The following TRMT10A variants were observed in gnomAD, a reference collection of about 807,000 sequenced individuals.
TRMT10A encodes tRNA methyltransferase 10 homolog A.
In TRMT10A, 37 loss-of-function variants were observed where a neutral mutation model predicts 40.4. That is an observed-to-expected ratio of 0.92 (90% CI 0.71 to 1.21). The LOEUF is 1.21. TRMT10A is among the 50% of genes most tolerant of loss of function. The probability of loss-of-function intolerance (pLI) is 0.00; values close to 1 mark genes in which losing one functional copy is unlikely to be tolerated. For synonymous variants in TRMT10A, 103 were observed against 134.1 expected (o/e 0.77, Z 1.60); for missense variants, 388 against 404.3 (o/e 0.96, Z 0.35).
At chr4:99,554,546 C>A (rs961688900) in intron 5 of TRMT10A, among the ~76,000 whole-genome samples, 2 of 151,812 alleles carry the variant, frequency 1.3e-5, no homozygotes, top group African/African-American at 4.8e-5. Flanking sequence ...CATGGTGAAA[C>A]CCTGTCTCTA....
At chr4:99,554,227 G>A (rs149026583) in intron 5 of TRMT10A, among the ~76,000 whole-genome samples, 165 of 152,178 alleles carry the variant, frequency 1.1e-3, no homozygotes, top group African/African-American at 3.9e-3. Context: ...TACTTTCAAT[G>A]TTTTATCTTT....
rs1395652235 is a variant in TRMT10A, at chr4:99,548,592, C to T, written c.*496G>A. ...AAACTGATACTTCTTCCTAAAATTA[C>T]TACATTCTTTCAAGTAACTAATTTA... On this transcript the variant is annotated 3_prime_UTR_variant, in exon 8 of 8. Transcript: ENST00000394876. 1 of 152,316 alleles carries T rather than the reference C, an allele frequency of 6.6e-6. No individual in the cohort carries two copies. The highest frequency in any genetic ancestry group is 1.5e-5 in the Non-Finnish European group (1 of 68,170). 9.4% of individuals were successfully genotyped at this position (152,316 alleles called of 1,614,324 possible).
At chr4:99,558,347 T>C (rs980253186) in intron 2 of TRMT10A, 136 bp from the exon 3 acceptor site, 1 of 788,576 alleles carries the variant, frequency 1.3e-6, no homozygotes, top group Admixed American at 3.3e-5. Flanking sequence ...CATTCAAAAA[T>C]GGTCAAGTAT....
rs1404950814 is a variant in TRMT10A at position 99,549,051 on chromosome 4, C to G, written c.*37G>C. On this transcript the variant is annotated 3_prime_UTR_variant, in exon 8 of 8. Transcript: ENST00000394876. ...ATTCTATATAGCACCTCACTTTCTC[C>G]TAATTTTTCCTTAAACTAAAAGGAA... is the stretch of plus-strand genomic sequence containing the variant. 3.1e-6 allele frequency: 5 copies of G among 1,601,640 alleles called. No homozygotes were observed. The highest frequency in any genetic ancestry group is 4.3e-6 in the Non-Finnish European group (5 of 1,171,282).
At chr4:99,554,519 G>C (rs1157628466) in intron 5 of TRMT10A, among the ~76,000 whole-genome samples, 2 of 151,934 alleles carry the variant, frequency 1.3e-5, no homozygotes, top group Admixed American at 1.3e-4. Flanking sequence ...TCAGGAGTTC[G>C]AGACCAGCCT....
Position 99,548,254 on chromosome 4 carries a change from CT to C in TRMT10A, c.*833del, listed in dbSNP as rs1242020864. ...AAGAGGAGGCAGATGCACCTATAAA[CT>C]TTATTCATCTTAAGAGCCAACAAAT... is the stretch of plus-strand genomic sequence containing the variant. On this transcript the variant is annotated 3_prime_UTR_variant, in exon 8 of 8. Coordinates refer to ENST00000394876, the MANE Select transcript of TRMT10A (RefSeq NM_001134665.3). The C allele has an allele frequency of 6.6e-6, 1 of 151,000 alleles. No homozygotes were observed. Among genetic ancestry groups the C allele is most frequent in the East Asian group, 1.9e-4 (1 of 5,156 alleles). 9.4% of individuals were successfully genotyped at this position (151,000 alleles called of 1,614,324 possible). A position where few individuals can be genotyped will look rare whatever the true frequency, so the allele number is the denominator to read the frequency against.
At chr4:99,551,250 G>T (rs898826154) in intron 6 of TRMT10A, among the ~76,000 whole-genome samples, 7 of 152,066 alleles carry the variant, frequency 4.6e-5, no homozygotes, top group Admixed American at 1.3e-4. Context: ...GTTTCCTGCC[G>T]AGTTACAAAG....
chr4:99,563,708 G>C lies in TRMT10A; in HGVS notation c.-24+205C>G, dbSNP rs1018462007. On this transcript the variant is annotated intron_variant, in intron 1 of 7. Coordinates refer to ENST00000394876, the MANE Select transcript of TRMT10A (RefSeq NM_001134665.3). ...GGATTAAGCTGTCTCTGGCGAACCA[G>C]GGAGCAGCTGGGTAGGCCGCGGGGG... 3.7e-5 allele frequency: 14 copies of C among 375,138 alleles called. 1 individual carries two copies. Among genetic ancestry groups the C allele is most frequent in the Admixed American group, 1.8e-4 (5 of 27,302 alleles). The allele number at this position is 375,138 out of a possible 1,614,324, so 23.2% of individuals were successfully genotyped here.
intron 3 of TRMT10A, 51 bp downstream of exon 3, chr4:99,557,998 T>C: frequency 6.8e-7 from 1 of 1,470,522 alleles, no homozygotes. Flanking sequence ...AAAACAAAAA[T>C]GATTCGACCT....
intron 3 of TRMT10A, 81 bp from the exon 4 acceptor site, chr4:99,557,497 CAG>C: frequency 8.2e-7 from 1 of 1,212,838 alleles, no homozygotes; most frequent in Non-Finnish European, 1.2e-6. Context: ...ATGGAATAAG[CAG>C]AAGGGATGAC....
At chr4:99,558,861 T>C (rs113452408) in intron 2 of TRMT10A, among the ~76,000 whole-genome samples, 1 of 152,116 alleles carries the variant, frequency 6.6e-6, no homozygotes, top group South Asian at 2.1e-4. Context: ...GTGCTGCTAC[T>C]CATAATAAGG....
At position 99,558,179 on chromosome 4, in the gene TRMT10A, T is replaced by A. The variant is rs1033805536; in HGVS notation, c.218A>T (p.Lys73Ile). The A allele has an allele frequency of 3.8e-6, 6 of 1,598,746 alleles. No homozygotes were observed. In the African/African-American group the frequency reaches 8.1e-5, roughly 22 times the overall value. The change falls in exon 3 of 8, where the codon AAA (lysine) becomes ATA (isoleucine). Residue 73 changes from lysine to isoleucine, a missense_variant. Lys to Ile is a moderately radical substitution (Grantham distance 102). Coordinates refer to ENST00000394876, the MANE Select transcript of TRMT10A (RefSeq NM_001134665.3). The part of the protein sequence containing the change: ...QKRKEKRKRK[K>I]LERQCQMEPN... ...TTCCATTTGACATTGTCGCTCTAAT[T>A]TTTTCCTCTTGCGTTTTTCTTTTCG...
intron 1 of TRMT10A, among the ~76,000 whole-genome samples, chr4:99,560,059 A>C (rs1724326540): frequency 1.3e-5 from 2 of 152,084 alleles, no homozygotes; most frequent in Admixed American, 1.3e-4. Context: ...GATGAAAAGC[A>C]TCTTTTCTAT....
At chr4:99,563,534 C>G (rs538691535) in intron 1 of TRMT10A, 1 of 231,672 alleles carries the variant, frequency 4.3e-6, no homozygotes, top group African/African-American at 2.3e-5. Context: ...GTACAGATTT[C>G]CCACTGATTC....
chr4:99,560,229 G>A (rs1724335479), intron 1 of TRMT10A, among the ~76,000 whole-genome samples: 1 of 152,062 alleles, frequency 6.6e-6, no homozygotes, highest in South Asian at 2.1e-4. Flanking sequence ...TTTCAGAGAG[G>A]TCATAAGGGA....
intron 2 of TRMT10A, 99 bp downstream of exon 2, chr4:99,559,055 A>G (rs1044853323): frequency 2.5e-6 from 3 of 1,212,092 alleles, no homozygotes; most frequent in Non-Finnish European, 3.3e-6. Flanking sequence ...ATTGAATTTT[A>G]AGTAACACAA....
intron 6 of TRMT10A, 24 bp from the exon 7 acceptor site, chr4:99,551,014 C>A (rs773745686): frequency 2.0e-6 from 3 of 1,478,866 alleles, no homozygotes; most frequent in African/African-American, 1.4e-5. Context: ...ACTATGACTT[C>A]GACAAGAACA....
intron 7 of TRMT10A, among the ~76,000 whole-genome samples, chr4:99,550,680 G>A (rs993954543): frequency 2.6e-5 from 4 of 152,228 alleles, no homozygotes; most frequent in Non-Finnish European, 4.4e-5. Flanking sequence ...TGTGTAGTAA[G>A]ACACAGCTAA....
chr4:99,554,480 T>A (rs530562439), intron 5 of TRMT10A, among the ~76,000 whole-genome samples: 1 of 152,218 alleles, frequency 6.6e-6, no homozygotes, highest in African/African-American at 2.4e-5. Flanking sequence ...CCCAGCACTT[T>A]GGAAGGCTGA....
Sources: gnomAD v4.1 joint callset for allele counts (sites outside exome capture counted in the v4.1 genomes callset) on GRCh38, gnomAD v4.1.1 for gene constraint, MANE v1.5 for transcripts, NCBI Gene and HGNC (gene_info 2026-07-23, HGNC 2026-07-21) for gene names.